MCTP1: variants seen among roughly 807,000 people sequenced by gnomAD.
The protein encoded by MCTP1 is multiple C2 and transmembrane domain-containing protein 1.
Under a neutral mutation model 120.6 loss-of-function variants are expected in MCTP1, and 69 were observed. The ratio of observed to expected loss-of-function variants is 0.57; its 90% confidence interval spans 0.47 to 0.70. MCTP1 has a LOEUF of 0.70. Among genes scored for constraint, MCTP1 ranks in the 30% least tolerant of loss-of-function variants. The pLI, the probability that MCTP1 is intolerant of heterozygous loss-of-function variation, is 0.00. For synonymous variants in MCTP1, 529 were observed against 493.1 expected (o/e 1.07, Z -0.96); for missense variants, 1,203 against 1,248.8 (o/e 0.96, Z 0.55).
At chr5:94,839,381 A>G (rs1466926958) in intron 17 of MCTP1, among the ~76,000 whole-genome samples, 1 of 152,164 alleles carries the variant, frequency 6.6e-6, no homozygotes. Flanking sequence ...CATTAAGCCA[A>G]TATGTAGTAT....
At chr5:94,720,237 G>T (rs777240902) in intron 19 of MCTP1, among the ~76,000 whole-genome samples, 19 of 151,706 alleles carry the variant, frequency 1.3e-4, no homozygotes, top group Non-Finnish European at 7.4e-5. Context: ...GAATAGGAAA[G>T]AACTTTCTAA....
At chr5:94,920,993 T>G (rs1811524924) in intron 7 of MCTP1, among the ~76,000 whole-genome samples, 1 of 152,162 alleles carries the variant, frequency 6.6e-6, no homozygotes, top group Non-Finnish European at 1.5e-5. Flanking sequence ...TAAAAAATAT[T>G]TAAATTTCTC....
chr5:95,214,565 T>C (rs1290751972), intron 1 of MCTP1, among the ~76,000 whole-genome samples: 2 of 152,094 alleles, frequency 1.3e-5, no homozygotes, highest in Non-Finnish European at 2.9e-5. Flanking sequence ...CACATGCACA[T>C]ATATGTTTAT....
intron 1 of MCTP1, among the ~76,000 whole-genome samples, chr5:95,018,040 C>T (rs888452298): frequency 5.3e-5 from 8 of 152,062 alleles, no homozygotes; most frequent in African/African-American, 1.4e-4. Flanking sequence ...AATATATTCT[C>T]GATGGGGCTA....
chr5:94,789,427 T>C (rs915091571), intron 18 of MCTP1: 5 of 152,246 alleles, frequency 3.3e-5, no homozygotes, highest in African/African-American at 1.2e-4. Flanking sequence ...TGTCACGTAC[T>C]GGTAATACTC....
At chr5:95,110,312 A>G (rs1282650080) in intron 1 of MCTP1, among the ~76,000 whole-genome samples, 2 of 152,106 alleles carry the variant, frequency 1.3e-5, no homozygotes, top group East Asian at 3.9e-4. Context: ...AGGTGGGGCC[A>G]TGTGACTGGT....
chr5:95,096,673 T>C (rs1216502287), intron 1 of MCTP1, among the ~76,000 whole-genome samples: 1 of 152,170 alleles, frequency 6.6e-6, no homozygotes, highest in African/African-American at 2.4e-5. Context: ...CAAAAGCTTT[T>C]AGCATCTTAC....
chr5:94,950,963 AT>A (rs533482468), intron 3 of MCTP1, among the ~76,000 whole-genome samples: 10,357 of 146,290 alleles, frequency 0.071, 522 homozygotes, highest in Non-Finnish European at 0.11. Context: ...AAAAAAAAAA[AT>A]GATTTTGTGT....
intron 1 of MCTP1, among the ~76,000 whole-genome samples, chr5:95,181,770 C>T (rs1748625817): frequency 6.6e-6 from 1 of 152,120 alleles, no homozygotes; most frequent in African/African-American, 2.4e-5. Context: ...AATTTGCCAC[C>T]AGCCCTTCAG....
intron 1 of MCTP1, among the ~76,000 whole-genome samples, chr5:95,141,977 A>T (rs1412876105): frequency 6.6e-6 from 1 of 152,236 alleles, no homozygotes; most frequent in Non-Finnish European, 1.5e-5. Flanking sequence ...CAAGTCATCT[A>T]CTATATGCTT....
At chr5:94,918,736 A>G (rs1029894627) in intron 7 of MCTP1, among the ~76,000 whole-genome samples, 6 of 152,242 alleles carry the variant, frequency 3.9e-5, no homozygotes, top group African/African-American at 1.4e-4. Context: ...ACATCAACAG[A>G]GAAGACTGGA....
At chr5:95,080,456 AG>A (rs1246569658) in intron 1 of MCTP1, among the ~76,000 whole-genome samples, 1 of 152,210 alleles carries the variant, frequency 6.6e-6, no homozygotes, top group African/African-American at 2.4e-5. Context: ...TCAATTAAGA[AG>A]TACGAAAGTA....
chr5:95,049,267 T>C (rs1029848697), intron 1 of MCTP1, among the ~76,000 whole-genome samples: 2 of 152,112 alleles, frequency 1.3e-5, no homozygotes, highest in Non-Finnish European at 2.9e-5. Context: ...TTATAACATT[T>C]GCCTCCCAAG....
At chr5:95,052,215 A>G (rs1210286392) in intron 1 of MCTP1, among the ~76,000 whole-genome samples, 23 of 152,204 alleles carry the variant, frequency 1.5e-4, no homozygotes, top group Admixed American at 1.5e-3. Context: ...AAGTCTTAAT[A>G]TAGAGTTAGA....
chr5:94,707,970 A>G (rs1186916774), intron 22 of MCTP1, among the ~76,000 whole-genome samples: 1 of 147,320 alleles, frequency 6.8e-6, no homozygotes, highest in Non-Finnish European at 1.5e-5. Flanking sequence ...CAGCTTCAGG[A>G]TTTAAAAAAA....
At chr5:95,053,587 C>T (rs567362541) in intron 1 of MCTP1, among the ~76,000 whole-genome samples, 18 of 152,188 alleles carry the variant, frequency 1.2e-4, no homozygotes, top group Admixed American at 3.3e-4. Flanking sequence ...AAGCAAAGCT[C>T]CAATCTATAT....
chr5:95,129,567 A>G (rs565943740), intron 1 of MCTP1, among the ~76,000 whole-genome samples: 1 of 152,350 alleles, frequency 6.6e-6, no homozygotes, highest in Admixed American at 6.5e-5. Flanking sequence ...AGAGATTAGC[A>G]CTTAAATCAG....
At chr5:95,249,910 G>GAA (rs1757211451) in intron 1 of MCTP1, among the ~76,000 whole-genome samples, 1 of 152,152 alleles carries the variant, frequency 6.6e-6, no homozygotes, top group African/African-American at 2.4e-5. Context: ...CACAAGGACA[G>GAA]AAAAGCAAGC....
intron 2 of MCTP1, among the ~76,000 whole-genome samples, chr5:94,962,258 TAGA>T (rs1824445524): frequency 6.6e-6 from 1 of 151,908 alleles, no homozygotes; most frequent in Admixed American, 6.6e-5. Context: ...GAACTAAAAG[TAGA>T]AGGACTATTT....
Sources: gnomAD v4.1 joint callset for allele counts (sites outside exome capture counted in the v4.1 genomes callset) on GRCh38, gnomAD v4.1.1 for gene constraint, MANE v1.5 for transcripts, NCBI Gene and HGNC (gene_info 2026-07-23, HGNC 2026-07-21) for gene names.